The following PDE10A variants were observed in gnomAD, a reference collection of about 807,000 sequenced individuals.
The protein encoded by PDE10A is phosphodiesterase 10A, also known as cAMP and cAMP-inhibited cGMP 3',5'-cyclic phosphodiesterase 10A.
Under a neutral mutation model 97.7 loss-of-function variants are expected in PDE10A, and 39 were observed. That is an observed-to-expected ratio of 0.40 (90% CI 0.31 to 0.52). The LOEUF (loss-of-function observed/expected upper bound fraction) is 0.52, where lower values mean the gene tolerates loss of function less well. Among genes scored for constraint, PDE10A ranks in the 20% least tolerant of loss-of-function variants. The probability of loss-of-function intolerance (pLI) is 0.56; values close to 1 mark genes in which losing one functional copy is unlikely to be tolerated. For missense variants in PDE10A, 731 were observed against 1,047.8 expected (o/e 0.70, Z 4.17); for synonymous variants, 371 against 376.8 (o/e 0.98, Z 0.18).
intron 1 of PDE10A, among the ~76,000 whole-genome samples, chr6:165,732,944 T>C (rs964853036): frequency 1.3e-5 from 2 of 152,224 alleles, no homozygotes; most frequent in Non-Finnish European, 2.9e-5. Context: ...GCACCTGGAC[T>C]GTGGCCTGGC....
At chr6:165,604,440 A>G (rs188489146) in intron 1 of PDE10A, among the ~76,000 whole-genome samples, 2 of 151,570 alleles carry the variant, frequency 1.3e-5, no homozygotes, top group Admixed American at 1.3e-4. Context: ...GGTCCAGCTG[A>G]GTAGGTGACA....
At chr6:165,682,356 A>T (rs1273428037) in intron 1 of PDE10A, among the ~76,000 whole-genome samples, 1 of 151,656 alleles carries the variant, frequency 6.6e-6, no homozygotes, top group Non-Finnish European at 1.5e-5. Flanking sequence ...TTGGTCTCAA[A>T]CTCCTGAGTT....
intron 1 of PDE10A, among the ~76,000 whole-genome samples, chr6:165,803,067 C>T (rs1320627666): frequency 6.6e-6 from 1 of 152,190 alleles, no homozygotes. Context: ...TTAAATCTTG[C>T]TTGAGTCATA....
chr6:165,667,143 G>A (rs1583752165), upstream of PDE10A, among the ~76,000 whole-genome samples: 1 of 152,178 alleles, frequency 6.6e-6, no homozygotes, highest in South Asian at 2.1e-4. Flanking sequence ...AGACCAAGAT[G>A]ATAAAAACAA....
chr6:165,777,452 G>C (rs1778217520), intron 1 of PDE10A, among the ~76,000 whole-genome samples: 1 of 151,964 alleles, frequency 6.6e-6, no homozygotes, highest in South Asian at 2.1e-4. Flanking sequence ...CAAAAACCCT[G>C]ATGATTCCAC....
intron 1 of PDE10A, among the ~76,000 whole-genome samples, chr6:165,970,114 C>T (rs1784624948): frequency 6.6e-6 from 1 of 152,036 alleles, no homozygotes; most frequent in Non-Finnish European, 1.5e-5. Context: ...TGAGTATATA[C>T]CAAAACAGAC....
intron 1 of PDE10A, among the ~76,000 whole-genome samples, chr6:165,954,524 A>G (rs1354309649): frequency 6.6e-6 from 1 of 152,184 alleles, no homozygotes; most frequent in Non-Finnish European, 1.5e-5. Context: ...GCAGAGCATA[A>G]AACAGGGTTA....
intron 2 of PDE10A, among the ~76,000 whole-genome samples, chr6:165,516,831 G>A (rs1352954862): frequency 1.3e-5 from 2 of 151,940 alleles, no homozygotes; most frequent in African/African-American, 4.8e-5. Context: ...ACGGCAACAG[G>A]GCCACATTAG....
At chr6:165,789,780 ATC>A (rs1778598490) in intron 1 of PDE10A, among the ~76,000 whole-genome samples, 1 of 150,734 alleles carries the variant, frequency 6.6e-6, no homozygotes. Flanking sequence ...GACATGCTTT[ATC>A]TTACTTTTCT....
intron 1 of PDE10A, among the ~76,000 whole-genome samples, chr6:165,790,426 T>C (rs1778615964): frequency 6.6e-6 from 1 of 152,190 alleles, no homozygotes. Context: ...AGTCTCTTTT[T>C]AGATTGTTCC....
intron 1 of PDE10A, among the ~76,000 whole-genome samples, chr6:165,960,800 G>A (rs62425369): frequency 4.6e-5 from 7 of 152,188 alleles, no homozygotes; most frequent in South Asian, 2.1e-4. Flanking sequence ...GGCAGGGAGC[G>A]GGGTGGGAAG....
chr6:165,818,464 C>G (rs994903111), intron 1 of PDE10A, among the ~76,000 whole-genome samples: 1 of 152,094 alleles, frequency 6.6e-6, no homozygotes, highest in African/African-American at 2.4e-5. Context: ...ATGCTGCAAT[C>G]CAGGGGAAGG....
intron 1 of PDE10A, among the ~76,000 whole-genome samples, chr6:165,864,020 G>T (rs1780976009): frequency 6.6e-6 from 1 of 152,198 alleles, no homozygotes; most frequent in South Asian, 2.1e-4. Flanking sequence ...TGGTAAGACT[G>T]AAATAAATTG....
intron 3 of PDE10A, among the ~76,000 whole-genome samples, 160 bp from the exon 4 acceptor site, chr6:165,450,522 A>G (rs570014098): frequency 2.0e-5 from 3 of 152,156 alleles, no homozygotes; most frequent in Non-Finnish European, 4.4e-5. Context: ...TCTATTTTAT[A>G]AAACAAGTAG....
At chr6:165,980,243 C>A (rs1414725966) in intron 1 of PDE10A, among the ~76,000 whole-genome samples, 1 of 152,212 alleles carries the variant, frequency 6.6e-6, no homozygotes. Context: ...ACAGATCAAA[C>A]TGCATAAGAA....
chr6:165,341,478 C>T (rs1418087914), intron 19 of PDE10A, among the ~76,000 whole-genome samples: 2 of 152,174 alleles, frequency 1.3e-5, no homozygotes, highest in African/African-American at 4.8e-5. Context: ...TGTACCTGAA[C>T]AAAACGTGCA....
intron 1 of PDE10A, among the ~76,000 whole-genome samples, chr6:165,908,564 A>G (rs112209509): frequency 0.011 from 1,728 of 152,330 alleles, 28 homozygotes; most frequent in African/African-American, 0.037. Context: ...CACGGGCTGC[A>G]TGCGATAACA....
At position 165,655,664 on chromosome 6, in the gene PDE10A, C is replaced by G. The variant is rs6937448; in HGVS notation, c.865+6283G>C. 0.14 allele frequency among the ~76,000 whole-genome samples: 21,952 copies of G among 152,104 alleles called. 2,366 individuals are homozygous for G. Among genetic ancestry groups the G allele is most frequent in the African/African-American group, 0.29 (12,010 of 41,448 alleles). On this transcript the variant is annotated intron_variant, in intron 1 of 21. Coordinates refer to ENST00000539869, the MANE Select transcript of PDE10A (RefSeq NM_001385079.1). The surrounding 1 kb of genome is among the most constrained non-coding windows in gnomAD (Gnocchi z 4.5). ...TCCCTGTATCCACGACATCTCCCTT[C>G]ATTCATTCACCAAACTGCAGCCAGA... is the stretch of plus-strand genomic sequence containing the variant.
At chr6:165,712,942 T>C (rs1323069913) in intron 1 of PDE10A, among the ~76,000 whole-genome samples, 1 of 152,152 alleles carries the variant, frequency 6.6e-6, no homozygotes, top group Non-Finnish European at 1.5e-5. Context: ...ACCCGGCCCG[T>C]TTTAACTTCC....
Sources: gnomAD v4.1 joint callset for allele counts (sites outside exome capture counted in the v4.1 genomes callset) on GRCh38, gnomAD v4.1.1 for gene constraint, Gnocchi (gnomAD v3.1) non-coding constraint, MANE v1.5 for transcripts, NCBI Gene and HGNC (gene_info 2026-07-23, HGNC 2026-07-21) for gene names.